PLXNC1: variants seen among roughly 807,000 people sequenced by gnomAD.
PLXNC1 encodes plexin-C1.
A neutral mutation model predicts 178.2 loss-of-function variants in PLXNC1; 75 were observed. That is an observed-to-expected ratio of 0.42 (90% CI 0.35 to 0.51). The LOEUF is 0.51. PLXNC1 is among the 20% of genes least tolerant of loss of function. The pLI, the probability that PLXNC1 is intolerant of heterozygous loss-of-function variation, is 0.02. For missense variants in PLXNC1, 1,503 were observed against 1,984.4 expected, an observed-to-expected ratio of 0.76 and a Z score of 4.61; for synonymous variants, 790 against 779.9, an observed-to-expected ratio of 1.01 and a Z score of -0.22.
chr12:94,271,887 T>C (rs1359149615), intron 21 of PLXNC1, among the ~76,000 whole-genome samples: 1 of 152,186 alleles, frequency 6.6e-6, no homozygotes, highest in East Asian at 1.9e-4. Flanking sequence ...GCTGATTCCA[T>C]CATCATGAAA....
At chr12:94,262,895 A>G (rs1216073858) in intron 20 of PLXNC1, 1 of 525,678 alleles carries the variant, frequency 1.9e-6, no homozygotes, top group Non-Finnish European at 2.4e-6. Flanking sequence ...CCTGTGAGCT[A>G]AGTGTCTTCA....
At position 94,244,002 on chromosome 12, in the gene PLXNC1, C is replaced by G. The variant is rs749965516; in HGVS notation, c.2365C>G (p.His789Asp). The change falls in exon 12 of 31, where the codon CAT (histidine) becomes GAT (aspartate). Residue 789 changes from histidine (H) to aspartate (D), a missense_variant. His to Asp is a moderately conservative substitution (Grantham distance 81, BLOSUM62 -1). Coordinates refer to ENST00000258526, the MANE Select transcript of PLXNC1 (RefSeq NM_005761.3). ...TGTAATTGACAACTTAATCATTTCACATGAATTAAAAGGAAACATAAATGT... is the reference window on the plus strand; with the variant it reads ...TGTAATTGACAACTTAATCATTTCAGATGAATTAAAAGGAAACATAAATGT... ...FDVIDNLIIS[H>D]ELKGNINVSE... is the part of the protein sequence containing the mutation. 4.3e-5 allele frequency: 69 copies of G among 1,590,092 alleles called. 1 individual carries two copies. Among genetic ancestry groups the G allele is most frequent in the South Asian group, 2.2e-4 (20 of 89,754 alleles).
intron 1 of PLXNC1, among the ~76,000 whole-genome samples, chr12:94,156,599 T>C (rs1389820888): frequency 6.6e-6 from 1 of 151,488 alleles, no homozygotes; most frequent in African/African-American, 2.4e-5. Context: ...TGCCTCAGCC[T>C]CCTGAGTAGC....
intron 4 of PLXNC1, among the ~76,000 whole-genome samples, chr12:94,195,952 A>T (rs896255018): frequency 6.6e-6 from 1 of 152,134 alleles, no homozygotes; most frequent in South Asian, 2.1e-4. Context: ...GACACGTCCC[A>T]GCTCCTTTTT....
chr12:94,171,621 G>A (rs539682538), intron 2 of PLXNC1, among the ~76,000 whole-genome samples: 7 of 152,258 alleles, frequency 4.6e-5, no homozygotes, highest in Admixed American at 1.3e-4. Context: ...AACCTCTGCC[G>A]CACACATTGG....
At position 94,305,272 on chromosome 12, in the gene PLXNC1, G is replaced by C. The variant is rs368139262; in HGVS notation, c.4694G>C (p.Cys1565Ser). 1.2e-5 allele frequency: 19 copies of C among 1,606,472 alleles called. No homozygotes were observed. The South Asian group carries it at 1.8e-4, about 15-fold the overall frequency. ...GTCTTATTTGATGAAAAGAAGAAATGCAAGTGGATGTAAGCACTCTGGGGC... is the reference window on the plus strand; with the variant it reads ...GTCTTATTTGATGAAAAGAAGAAATCCAAGTGGATGTAAGCACTCTGGGGC... The part of the protein sequence containing the change: ...VKVLFDEKKK[C>S]KWM The change falls in exon 31 of 31, where the codon TGC becomes TCC. Residue 1565 changes from cysteine (C) to serine (S), a missense_variant. Coordinates refer to ENST00000258526, the MANE Select transcript of PLXNC1 (RefSeq NM_005761.3).
intron 4 of PLXNC1, among the ~76,000 whole-genome samples, chr12:94,208,332 G>A (rs992347796): frequency 3.3e-5 from 5 of 152,170 alleles, no homozygotes; most frequent in Non-Finnish European, 7.3e-5. Flanking sequence ...TGGGGATGAC[G>A]TTTAGTGAAA....
chr12:94,192,165 A>C (rs925108523), intron 4 of PLXNC1, among the ~76,000 whole-genome samples: 1 of 152,218 alleles, frequency 6.6e-6, no homozygotes, highest in African/African-American at 2.4e-5. Context: ...AATTTCAACA[A>C]ATATTTATTG....
At chr12:94,182,615 C>T (rs1962351179) in intron 3 of PLXNC1, among the ~76,000 whole-genome samples, 2 of 151,094 alleles carry the variant, frequency 1.3e-5, no homozygotes, top group Non-Finnish European at 1.5e-5. Context: ...ATCCCAGCTA[C>T]TTGGGAGGCT....
At position 94,298,803 on chromosome 12, in the gene PLXNC1, T is replaced by G. The variant is rs1968179816; in HGVS notation, c.4238+8T>G. On this transcript the variant is annotated splice_region_variant and intron_variant, in intron 27 of 30. Coordinates refer to ENST00000258526, the MANE Select transcript of PLXNC1 (RefSeq NM_005761.3). ...TATTTGGAAAACAAACAGGTGGGAA[T>G]GTAGGTGATTAGTGACTGTTTTCAA... 6.2e-7 allele frequency: 1 copy of G among 1,607,758 alleles called. No individual in the cohort carries two copies.
Position 94,294,274 on chromosome 12 carries a change from C to T in PLXNC1, c.3880-212C>T, listed in dbSNP as rs181687123. ...CCCATGGCCTCATCAGCCTCCTCCA[C>T]AGGACCATGAGCCCCTTGAGGACAG... On this transcript the variant is annotated intron_variant, in intron 23 of 30. Transcript: ENST00000258526. 1.9e-4 allele frequency among the ~76,000 whole-genome samples: 29 copies of T among 152,304 alleles called. No individual in the cohort carries two copies. The East Asian group carries it at 3.9e-3, about 20-fold the overall frequency.
chr12:94,232,491 C>A (rs1555201620), intron 9 of PLXNC1, among the ~76,000 whole-genome samples: 1 of 152,162 alleles, frequency 6.6e-6, no homozygotes, highest in Non-Finnish European at 1.5e-5. Flanking sequence ...TTCACATATA[C>A]CTTGCTGAGT....
chr12:94,160,672 A>C (rs974299181), intron 1 of PLXNC1, among the ~76,000 whole-genome samples: 1 of 152,212 alleles, frequency 6.6e-6, no homozygotes, highest in African/African-American at 2.4e-5. Context: ...CAGCCCCCGC[A>C]CTTAGCAATA....
Position 94,224,367 on chromosome 12 carries a change from A to AT in PLXNC1, c.1790+55dup, listed in dbSNP as rs1360739517. On this transcript the variant is annotated intron_variant, in intron 7 of 30. Transcript: ENST00000258526. ...TTCTCTCGTTGATCTTAATTTACTT[A>AT]TTTGTTTGACTCCTCGATTTCCTAA... 4 of 1,030,742 alleles carry AT rather than the reference A, an allele frequency of 3.9e-6. No homozygotes were observed. The African/African-American group carries it at 6.3e-5, about 16-fold the overall frequency. The allele number at this position is 1,030,742 out of a possible 1,614,324, so 63.8% of individuals were successfully genotyped here. A position where few individuals can be genotyped will look rare whatever the true frequency, so the allele number is the denominator to read the frequency against.
intron 8 of PLXNC1, among the ~76,000 whole-genome samples, chr12:94,226,915 C>G (rs1963955697): frequency 6.6e-6 from 1 of 151,972 alleles, no homozygotes. Flanking sequence ...CCCAGCTACT[C>G]GGGAGGCTGA....
intron 11 of PLXNC1, among the ~76,000 whole-genome samples, chr12:94,241,758 A>T (rs1443586251): frequency 6.6e-6 from 1 of 152,136 alleles, no homozygotes; most frequent in Non-Finnish European, 1.5e-5. Context: ...TTTATCCTCT[A>T]ATCTGTTGAT....
chr12:94,209,627 T>G lies in PLXNC1; in HGVS notation c.1477T>G (p.Leu493Val). ...AGGAGATTGTGTACATTCAGAGAAC[T>G]TAGAAAACTGGCTGGATATTTCGTC... ...FQGDCVHSEN[L>V]ENWLDISSGA... Residue 493 changes from leucine to valine, a missense_variant, in exon 5 of 31, where the codon TTA becomes GTA. Around this residue, in one of 4 missense-constraint regions of PLXNC1, gnomAD observed 615 missense variants for 698.6 expected, o/e 0.88. Coordinates refer to ENST00000258526, the MANE Select transcript of PLXNC1 (RefSeq NM_005761.3). 1 of 1,603,464 alleles carries G rather than the reference T, an allele frequency of 6.2e-7. No homozygotes were observed. The highest frequency in any genetic ancestry group is 8.5e-7 in the Non-Finnish European group (1 of 1,173,714).
At chr12:94,165,745 C>T (rs903323751) in intron 1 of PLXNC1, among the ~76,000 whole-genome samples, 5 of 152,050 alleles carry the variant, frequency 3.3e-5, no homozygotes, top group African/African-American at 1.2e-4. Context: ...GTGGTGTCTC[C>T]AGGAACATAG....
At chr12:94,301,157 C>CACCA in intron 28 of PLXNC1, 100 bp downstream of exon 28, 1 of 953,182 alleles carries the variant, frequency 1.0e-6, no homozygotes, top group Non-Finnish European at 1.5e-6. Context: ...GTCTAAACTA[C>CACCA]ACCAGCTAAA....
Sources: allele counts gnomAD v4.1 joint callset (sites outside exome capture counted in the v4.1 genomes callset), GRCh38; gene constraint gnomAD v4.1.1; regional missense constraint gnomAD v4.1.1; transcripts MANE v1.5; gene names NCBI Gene and HGNC (gene_info 2026-07-23, HGNC 2026-07-21).